ESRRB: variants seen among roughly 807,000 people sequenced by gnomAD.
ESRRB encodes steroid hormone receptor ERR2.
In ESRRB, 16 loss-of-function variants were observed where a neutral mutation model predicts 46.0. The ratio of observed to expected loss-of-function variants is 0.35; its 90% CI spans 0.24 to 0.53. The LOEUF (loss-of-function observed/expected upper bound fraction) is 0.53. Among genes scored for constraint, ESRRB ranks in the 20% least tolerant of loss-of-function variants. ESRRB has a pLI of 0.93. For missense variants in ESRRB, 488 were observed against 607.4 expected (o/e 0.80, Z 2.07); for synonymous variants, 246 against 259.6 (o/e 0.95, Z 0.50).
At chr14:76,467,268 A>G (rs1311365744) in intron 3 of ESRRB, among the ~76,000 whole-genome samples, 1 of 151,780 alleles carries the variant, frequency 6.6e-6, no homozygotes, top group African/African-American at 2.4e-5. Context: ...GGGGAGGCCA[A>G]GGTGGGCAGA....
upstream of ESRRB, among the ~76,000 whole-genome samples, chr14:76,368,765 G>A (rs1448198582): frequency 2.0e-5 from 3 of 152,172 alleles, no homozygotes; most frequent in Non-Finnish European, 4.4e-5. Context: ...GAGCCTTCAT[G>A]TAGAATTGTA....
chr14:76,311,179 A>C (rs546880731), intron 1 of ESRRB, among the ~76,000 whole-genome samples: 12 of 152,242 alleles, frequency 7.9e-5, no homozygotes, highest in Admixed American at 5.2e-4. Flanking sequence ...ACACAAACTC[A>C]TTTGGAAGCA....
In ESRRB at chr14:76,500,793, A is replaced by G; in HGVS notation, c.*2335A>G. 1.3e-6 allele frequency: 2 copies of G among 1,551,418 alleles called. No homozygotes were observed. Among genetic ancestry groups the G allele is most frequent in the Non-Finnish European group, 1.8e-6 (2 of 1,122,946 alleles). On this transcript the variant is annotated 3_prime_UTR_variant, in exon 7 of 7. Coordinates refer to ENST00000644823, the MANE Select transcript of ESRRB (RefSeq NM_001379180.1). ...CCTCACTGGATCTAGTGTTGCTGCG[A>G]GTGACCTCACTTCAGAGCCCCTCTA...
chr14:76,386,482 A>C (rs959811755), intron 1 of ESRRB, among the ~76,000 whole-genome samples: 3 of 130,896 alleles, frequency 2.3e-5, no homozygotes, highest in African/African-American at 8.9e-5. Context: ...TTTGCGACAG[A>C]GTCTCACTCT....
rs1884777851 is a variant in ESRRB, at chr14:76,376,646, T to C, written c.50+195T>C. Among the ~76,000 whole-genome samples, 1 of 152,146 alleles carries C rather than the reference T, an allele frequency of 6.6e-6. No individual in the cohort carries two copies. The highest frequency in any genetic ancestry group is 2.1e-4 in the South Asian group (1 of 4,832). ...AGGGCATAAACCCTCCTCTAACTTT[T>C]TCCCGCACCCCCTTTTACAAATCCA... On this transcript the variant is annotated intron_variant, in intron 1 of 6. Transcript: ENST00000644823. This position sits in a 1 kb window ranked among gnomAD's most constrained non-coding sequence, Gnocchi z 4.1.
chr14:76,357,742 C>G (rs1884400140), intron 1 of ESRRB, among the ~76,000 whole-genome samples: 1 of 152,162 alleles, frequency 6.6e-6, no homozygotes, highest in South Asian at 2.1e-4. Context: ...TCTCAAATGC[C>G]TGGTCTCAGG....
chr14:76,417,881 G>A (rs759195128), intron 1 of ESRRB, among the ~76,000 whole-genome samples: 14 of 152,136 alleles, frequency 9.2e-5, no homozygotes, highest in African/African-American at 1.4e-4. Flanking sequence ...ACAGGTGGGC[G>A]GTGGGCCAAG....
Position 76,335,250 on chromosome 14 carries a change from A to G in ESRRB, c.2+24334A>G, listed in dbSNP as rs553556557. On this transcript the variant is annotated intron_variant, in intron 1 of 6. Transcript: ENST00000512784. ...GCCAACATTACTCATTGTCTGCACC[A>G]CTGCCTTGGCACCTCTGCTGCCCTC... is the stretch of plus-strand genomic sequence containing the variant. Among the ~76,000 whole-genome samples the G allele has an allele frequency of 7.9e-5, 12 of 152,222 alleles. No individual in the cohort carries two copies. In the East Asian group the frequency reaches 2.3e-3, roughly 29 times the overall value.
intron 1 of ESRRB, among the ~76,000 whole-genome samples, chr14:76,348,759 G>A (rs150237519): frequency 6.6e-6 from 1 of 152,172 alleles, no homozygotes; most frequent in Non-Finnish European, 1.5e-5. Context: ...GTGATTGCGG[G>A]GTTTTGGGGT....
At chr14:76,433,940 T>C (rs946909870) in intron 1 of ESRRB, among the ~76,000 whole-genome samples, 8 of 151,732 alleles carry the variant, frequency 5.3e-5, no homozygotes, top group Non-Finnish European at 1.2e-4. Context: ...CTTGGACTTC[T>C]TTCCCTCTGT....
intron 2 of ESRRB, among the ~76,000 whole-genome samples, chr14:76,461,393 G>A (rs1409308015): frequency 1.3e-5 from 2 of 152,380 alleles, no homozygotes; most frequent in East Asian, 1.9e-4. Context: ...GCTAAGTGCT[G>A]CTGGACACTG....
intron 1 of ESRRB, among the ~76,000 whole-genome samples, chr14:76,409,887 A>G (rs1226133232): frequency 6.6e-6 from 1 of 152,156 alleles, no homozygotes; most frequent in Non-Finnish European, 1.5e-5. Context: ...AAGGCTGTGC[A>G]TGTCTCATGG....
intron 1 of ESRRB, among the ~76,000 whole-genome samples, chr14:76,393,248 T>C (rs1885538557): frequency 6.6e-6 from 1 of 152,138 alleles, no homozygotes; most frequent in African/African-American, 2.4e-5. Context: ...GTTGGAAACC[T>C]GATGGGCCCT....
At chr14:76,487,079 A>G (rs1384993999) in intron 5 of ESRRB, among the ~76,000 whole-genome samples, 2 of 152,170 alleles carry the variant, frequency 1.3e-5, no homozygotes, top group African/African-American at 4.8e-5. Flanking sequence ...GGCAGATACA[A>G]CCACTGTGTG....
At chr14:76,483,185 C>G (rs4903415) in intron 5 of ESRRB, among the ~76,000 whole-genome samples, 77,007 of 152,026 alleles carry the variant, frequency 0.51, 20,252 homozygotes, top group East Asian at 0.71. Flanking sequence ...AAGAGCATGG[C>G]CTTGGGAATC....
At chr14:76,423,727 T>A (rs911732838) in intron 1 of ESRRB, among the ~76,000 whole-genome samples, 10 of 152,160 alleles carry the variant, frequency 6.6e-5, no homozygotes, top group African/African-American at 2.2e-4. Context: ...AAATATTTAT[T>A]CTGCACCTAC....
In ESRRB at chr14:76,482,545, C is replaced by T. The variant is rs1041599582; in HGVS notation, c.689-53C>T. On this transcript the variant is annotated intron_variant, in intron 4 of 6. Transcript: ENST00000644823. The surrounding 1 kb of genome is among the most constrained non-coding windows in gnomAD (Gnocchi z 4.3). Reference sequence around the variant, plus strand: ...TCCTGACCCATCTGAGCCTCCACCCCGGCCCCTTTCCTCTTTTCCCAGCAT... The same window carrying T: ...TCCTGACCCATCTGAGCCTCCACCCTGGCCCCTTTCCTCTTTTCCCAGCAT... The T allele has an allele frequency of 9.3e-6, 15 of 1,606,874 alleles. No individual in the cohort carries two copies. Among genetic ancestry groups the T allele is most frequent in the African/African-American group, 4.0e-5 (3 of 74,778 alleles).
At position 76,458,032 on chromosome 14, in the gene ESRRB, C is replaced by G. The variant is rs1043267742; in HGVS notation, c.461-4513C>G. Among the ~76,000 whole-genome samples, 4 of 152,140 alleles carry G rather than the reference C, an allele frequency of 2.6e-5. No homozygotes were observed. In the South Asian group the frequency reaches 8.3e-4, roughly 32 times the overall value. On this transcript the variant is annotated intron_variant, in intron 2 of 6. Coordinates refer to ENST00000644823, the MANE Select transcript of ESRRB (RefSeq NM_001379180.1). ...TGAGATGGGGGCTGTACCCATTTTA[C>G]AGATTAGGAAACTGAGGCTCAGAGA...
chr14:76,391,913 A>C (rs1305460504), intron 1 of ESRRB, among the ~76,000 whole-genome samples: 1 of 152,152 alleles, frequency 6.6e-6, no homozygotes, highest in Non-Finnish European at 1.5e-5. Context: ...GAGGGCCTAG[A>C]GGGGCCTGAG....
Sources: allele counts gnomAD v4.1 joint callset (sites outside exome capture counted in the v4.1 genomes callset), GRCh38; gene constraint gnomAD v4.1.1; non-coding constraint Gnocchi (gnomAD v3.1); transcripts MANE v1.5; gene names NCBI Gene and HGNC (gene_info 2026-07-23, HGNC 2026-07-21).